The following ANKRD22 variants were observed in gnomAD, a reference collection of about 807,000 sequenced individuals.
ANKRD22 encodes the protein ankyrin repeat domain 22.
ANKRD22 carries 24 observed loss-of-function variants against 25.7 expected under a neutral mutation model. The observed-to-expected ratio is 0.93, with a 90% CI of 0.68 to 1.31. The LOEUF is 1.31. ANKRD22 is among the 50% of genes most tolerant of loss of function. The pLI is 0.00. For missense variants in ANKRD22, 214 were observed against 227.1 expected (o/e 0.94, Z 0.37); for synonymous variants, 84 against 84.3 (o/e 1.00, Z 0.02).
chr10:88,839,772 T>G (rs1434653864), intron 1 of ANKRD22, among the ~76,000 whole-genome samples: 1 of 152,114 alleles, frequency 6.6e-6, no homozygotes, highest in Non-Finnish European at 1.5e-5. Flanking sequence ...GGGTTGATGT[T>G]TAGAAGGTAA....
At chr10:88,825,040 C>CACAG (rs1843841198) in intron 4 of ANKRD22, among the ~76,000 whole-genome samples, 2 of 150,246 alleles carry the variant, frequency 1.3e-5, no homozygotes, top group South Asian at 4.3e-4. Flanking sequence ...CACACACACA[C>CACAG]ACAACTGCCT....
intron 1 of ANKRD22, among the ~76,000 whole-genome samples, chr10:88,847,121 T>C (rs566667839): frequency 8.5e-5 from 13 of 152,320 alleles, no homozygotes; most frequent in African/African-American, 2.6e-4. Flanking sequence ...ACTTTCTCAA[T>C]ACACAATTGG....
In ANKRD22 at chr10:88,822,822, T is replaced by C; in HGVS notation, c.*119A>G. On this transcript the variant is annotated 3_prime_UTR_variant, in exon 6 of 6. Coordinates refer to ENST00000371930, the MANE Select transcript of ANKRD22 (RefSeq NM_144590.3). ...TCCAAAACATTAACCATGGTAAGCA[T>C]CATTATCCCCATAAAATGGTGGCAT... 2 of 843,006 alleles carry C rather than the reference T, an allele frequency of 2.4e-6. No homozygotes were observed. The highest frequency in any genetic ancestry group is 2.1e-5 in the Admixed American group (1 of 47,102). 52.2% of individuals were successfully genotyped at this position (843,006 alleles called of 1,614,324 possible).
chr10:88,848,164 G>A (rs1029903081), intron 1 of ANKRD22, among the ~76,000 whole-genome samples: 3 of 139,642 alleles, frequency 2.1e-5, no homozygotes, highest in East Asian at 2.8e-4. Flanking sequence ...ATATATATAT[G>A]TATATATGTG....
chr10:88,837,478 C>T (rs974816612), intron 1 of ANKRD22, among the ~76,000 whole-genome samples: 2 of 152,138 alleles, frequency 1.3e-5, no homozygotes, highest in Admixed American at 1.3e-4. Context: ...AAACATTAGT[C>T]TCCTACATAG....
intron 2 of ANKRD22, among the ~76,000 whole-genome samples, chr10:88,830,763 C>T (rs1183355139): frequency 6.6e-6 from 1 of 152,144 alleles, no homozygotes; most frequent in Admixed American, 6.5e-5. Flanking sequence ...ACGTCTCCTC[C>T]CTCAGTTTCC....
At chr10:88,832,105 A>G (rs1843909972) in intron 1 of ANKRD22, 79 bp from the exon 2 acceptor site, 1 of 1,366,412 alleles carries the variant, frequency 7.3e-7, no homozygotes, top group Admixed American at 2.5e-5. Flanking sequence ...GTCATAACCC[A>G]ATACATTAAA....
Position 88,820,960 on chromosome 10 carries a change from G to A in ANKRD22, c.*1981C>T, listed in dbSNP as rs186094763. 1.6e-4 allele frequency among the ~76,000 whole-genome samples: 24 copies of A among 152,286 alleles called. No homozygotes were observed. ...ACATAACACTACCTCAGGAAGCTGAGCTGCTTTAAGGACAACAACAACAAA... is the reference window on the plus strand; with the variant it reads ...ACATAACACTACCTCAGGAAGCTGAACTGCTTTAAGGACAACAACAACAAA... On this transcript the variant is annotated 3_prime_UTR_variant, in exon 6 of 6. Coordinates refer to ENST00000371930, the MANE Select transcript of ANKRD22 (RefSeq NM_144590.3).
rs111876770 is a variant in ANKRD22 at position 88,832,672 on chromosome 10, GT to G, written c.22-647del. Among the ~76,000 whole-genome samples the G allele has an allele frequency of 3.5e-4, 54 of 152,284 alleles. 1 individual carries two copies. The East Asian group carries it at 9.6e-3, about 27-fold the overall frequency. On this transcript the variant is annotated intron_variant, in intron 1 of 5. Coordinates refer to ENST00000371930, the MANE Select transcript of ANKRD22 (RefSeq NM_144590.3). Reference sequence around the variant, plus strand: ...GGAGCTCAACAGAGCAGAAAAGACAGTTTTTTAGGCAAATAATATACAAATT... The same window carrying G: ...GGAGCTCAACAGAGCAGAAAAGACAGTTTTTAGGCAAATAATATACAAATT...
Position 88,851,832 on chromosome 10 carries a change from T to C in ANKRD22, c.-225A>G, listed in dbSNP as rs541717404. The C allele has an allele frequency of 1.3e-5, 7 of 559,672 alleles. No homozygotes were observed. The highest frequency in any genetic ancestry group is 5.9e-5 in the Admixed American group (2 of 33,666). The allele number at this position is 559,672 out of a possible 1,614,324, so 34.7% of individuals were successfully genotyped here. On this transcript the variant is annotated 5_prime_UTR_variant, in exon 1 of 6. Transcript: ENST00000371930. ...GCCCAGCCCAATGAAACAAAGGCAC[T>C]GGTGTCATGTGTAACGACCCAAGCC...
intron 1 of ANKRD22, among the ~76,000 whole-genome samples, chr10:88,837,734 C>G (rs569276737): frequency 1.3e-5 from 2 of 152,244 alleles, no homozygotes; most frequent in African/African-American, 4.8e-5. Flanking sequence ...GGGAGGGACC[C>G]AGTGGGAAGT....
chr10:88,826,021 T>G lies in ANKRD22; in HGVS notation c.399+17A>C, dbSNP rs1198406147. Reference sequence around the variant, plus strand: ...ATTTTGAATATTTTTTCAAAATGGCTAAAAGTATAAACTTACACAATCTGT... The same window carrying G: ...ATTTTGAATATTTTTTCAAAATGGCGAAAAGTATAAACTTACACAATCTGT... On this transcript the variant is annotated intron_variant, in intron 4 of 5. Transcript: ENST00000371930. 6.3e-7 allele frequency: 1 copy of G among 1,595,128 alleles called. No homozygotes were observed. Among genetic ancestry groups the G allele is most frequent in the South Asian group, 1.1e-5 (1 of 89,286 alleles).
intron 4 of ANKRD22, 109 bp downstream of exon 4, chr10:88,825,929 T>A (rs1843851590): frequency 1.1e-6 from 1 of 933,658 alleles, no homozygotes; most frequent in Non-Finnish European, 1.6e-6. Flanking sequence ...AAAAGAAAAC[T>A]AAATGTAAAA....
chr10:88,851,343 T>C (rs1181141369), intron 1 of ANKRD22, among the ~76,000 whole-genome samples: 3 of 152,212 alleles, frequency 2.0e-5, no homozygotes, highest in African/African-American at 4.8e-5. Flanking sequence ...TACTATGAAA[T>C]GTGTATTATA....
intron 1 of ANKRD22, among the ~76,000 whole-genome samples, chr10:88,833,462 T>C (rs1843925579): frequency 6.6e-6 from 1 of 152,072 alleles, no homozygotes; most frequent in Non-Finnish European, 1.5e-5. Context: ...GAGACACACA[T>C]ACACAGAGTA....
chr10:88,828,235 G>A (rs2133071352), intron 3 of ANKRD22, among the ~76,000 whole-genome samples: 1 of 152,050 alleles, frequency 6.6e-6, no homozygotes, highest in East Asian at 1.9e-4. Context: ...TTAAAAAAAG[G>A]AGAAAAAAAT....
chr10:88,844,711 A>G lies in ANKRD22; in HGVS notation c.21+6876T>C, dbSNP rs557030071. On this transcript the variant is annotated intron_variant, in intron 1 of 5. Coordinates refer to ENST00000371930, the MANE Select transcript of ANKRD22 (RefSeq NM_144590.3). ...TCTCAGATAATCTAGATTTCCTTTA[A>G]AATTACAAGTGGGATTTCCTTAGTT... 2.8e-4 allele frequency among the ~76,000 whole-genome samples: 42 copies of G among 152,188 alleles called. 1 individual carries two copies. In the South Asian group the frequency reaches 8.5e-3, roughly 31 times the overall value.
intron 1 of ANKRD22, among the ~76,000 whole-genome samples, chr10:88,851,009 T>C (rs139394575): frequency 5.3e-5 from 8 of 152,272 alleles, no homozygotes; most frequent in African/African-American, 1.9e-4. Context: ...CATTTGATTC[T>C]AATAAGTTAC....
chr10:88,839,142 G>A (rs2133078173), intron 1 of ANKRD22, among the ~76,000 whole-genome samples: 2 of 152,246 alleles, frequency 1.3e-5, no homozygotes, highest in South Asian at 4.1e-4. Context: ...ACACTTGCAT[G>A]TGACCTATAT....
Sources: gnomAD v4.1 joint callset for allele counts (sites outside exome capture counted in the v4.1 genomes callset) on GRCh38, gnomAD v4.1.1 for gene constraint, MANE v1.5 for transcripts, NCBI Gene and HGNC (gene_info 2026-07-23, HGNC 2026-07-21) for gene names.